ME1: variants seen among roughly 807,000 people sequenced by gnomAD.
ME1 encodes the protein malic enzyme 1, also known as NADP-dependent malic enzyme.
ME1 carries 74 observed loss-of-function variants against 66.4 expected under a neutral mutation model. The observed-to-expected ratio is 1.11, with a 90% CI of 0.92 to 1.35. The LOEUF is 1.35. Among genes scored for constraint, ME1 ranks in the 40% most tolerant of loss-of-function variants. The probability of loss-of-function intolerance (pLI) is 0.00; values close to 1 mark genes in which losing one functional copy is unlikely to be tolerated. For synonymous variants in ME1, 251 were observed against 235.6 expected (o/e 1.07, Z -0.60); for missense variants, 750 against 694.1 (o/e 1.08, Z -0.90).
chr6:83,348,218 G>A (rs981500960), intron 4 of ME1, among the ~76,000 whole-genome samples: 2 of 152,054 alleles, frequency 1.3e-5, no homozygotes, highest in Non-Finnish European at 2.9e-5. Context: ...CTGATTTAAG[G>A]TAAAAAAGAT....
chr6:83,368,226 G>A (rs1769135462), intron 3 of ME1, among the ~76,000 whole-genome samples: 2 of 151,598 alleles, frequency 1.3e-5, no homozygotes, highest in Non-Finnish European at 2.9e-5. Flanking sequence ...CACTATAAAA[G>A]TTATAATAAT....
chr6:83,325,752 G>A (rs1464135403), intron 5 of ME1, among the ~76,000 whole-genome samples: 1 of 152,030 alleles, frequency 6.6e-6, no homozygotes, highest in Non-Finnish European at 1.5e-5. Flanking sequence ...CATGCTCATG[G>A]ATAGGAAGAG....
chr6:83,352,116 T>TC lies in ME1; in HGVS notation c.385dup (p.Asp129GlyfsTer24). The TC allele has an allele frequency of 6.4e-7, 1 of 1,574,616 alleles. No individual in the cohort carries two copies. The highest frequency in any genetic ancestry group is 8.6e-7 in the Non-Finnish European group (1 of 1,157,852). On this transcript the variant is annotated frameshift_variant, in exon 4 of 14. Transcript: ENST00000369705. LOFTEE classifies it high-confidence loss of function. ...GAGAACTGAAGCAATATGCCCTCGA[T>TC]CGTGGATAGTAATAAAGAGACCTCT... is the stretch of plus-strand genomic sequence containing the variant.
intron 6 of ME1, among the ~76,000 whole-genome samples, 185 bp downstream of exon 6, chr6:83,315,125 A>G (rs1583375071): frequency 6.6e-6 from 1 of 152,220 alleles, no homozygotes; most frequent in Non-Finnish European, 1.5e-5. Context: ...GAAATAATCT[A>G]TTCTGGATAG....
At chr6:83,340,224 A>C (rs1315555216) in intron 5 of ME1, among the ~76,000 whole-genome samples, 1 of 152,104 alleles carries the variant, frequency 6.6e-6, no homozygotes, top group Non-Finnish European at 1.5e-5. Flanking sequence ...AAATAATGAT[A>C]ATTTTGTCTT....
intron 6 of ME1, among the ~76,000 whole-genome samples, chr6:83,309,325 C>A (rs75400347): frequency 5.9e-4 from 89 of 152,086 alleles, no homozygotes; most frequent in Middle Eastern, 3.4e-3. Flanking sequence ...TTACAATAAT[C>A]CAGGTAAAAG....
chr6:83,374,112 T>C (rs1004842414), intron 3 of ME1, among the ~76,000 whole-genome samples: 1 of 152,222 alleles, frequency 6.6e-6, no homozygotes, highest in Non-Finnish European at 1.5e-5. Context: ...TTTAGGTATA[T>C]ATCCAGAAAA....
intron 4 of ME1, among the ~76,000 whole-genome samples, chr6:83,349,628 A>G (rs1430755221): frequency 6.6e-5 from 10 of 152,174 alleles, no homozygotes; most frequent in Admixed American, 6.5e-4. Flanking sequence ...TAAATGCAGA[A>G]CCTTTGCATC....
At chr6:83,263,724 A>G (rs1766936719) in intron 6 of ME1, among the ~76,000 whole-genome samples, 1 of 151,926 alleles carries the variant, frequency 6.6e-6, no homozygotes. Flanking sequence ...CTGATCCGTG[A>G]AGTTTAAGGA....
chr6:83,314,641 C>A (rs918276600), intron 6 of ME1, among the ~76,000 whole-genome samples: 2 of 152,196 alleles, frequency 1.3e-5, no homozygotes, highest in Admixed American at 6.5e-5. Flanking sequence ...AAATAAATTT[C>A]TTGTGTAGAT....
In ME1 at chr6:83,417,141, C is replaced by T. The variant is rs1225732725; in HGVS notation, c.79-9240G>A. On this transcript the variant is annotated intron_variant, in intron 1 of 13. Coordinates refer to ENST00000369705, the MANE Select transcript of ME1 (RefSeq NM_002395.6). Reference sequence around the variant, plus strand: ...CATAGCTCACTGCAGCCTCGAATTCCTGGGCTCAAGCAATCCTCTTGCCTT... The same window carrying T: ...CATAGCTCACTGCAGCCTCGAATTCTTGGGCTCAAGCAATCCTCTTGCCTT... Among the ~76,000 whole-genome samples the T allele has an allele frequency of 2.6e-5, 4 of 152,076 alleles. No homozygotes were observed. In the East Asian group the frequency reaches 7.7e-4, roughly 29 times the overall value.
chr6:83,230,011 T>TG (rs145169874), intron 9 of ME1, among the ~76,000 whole-genome samples: 8,179 of 151,898 alleles, frequency 0.054, 702 homozygotes, highest in African/African-American at 0.18. Flanking sequence ...TTTTTAGAGA[T>TG]GGGGGTCTCG....
rs562954292 is a variant in ME1, at chr6:83,425,170, CT to C, written c.78+5706del. On this transcript the variant is annotated intron_variant, in intron 1 of 13. Coordinates refer to ENST00000369705, the MANE Select transcript of ME1 (RefSeq NM_002395.6). ...TGCCCAGCTTTTTGTATTTTTTTTT[CT>C]TTTTTGTAAAGATGGGATTTTGCTA... Among the ~76,000 whole-genome samples the C allele has an allele frequency of 6.8e-3, 1,034 of 151,052 alleles. 9 individuals are homozygous for C. Among genetic ancestry groups the C allele is most frequent in the Middle Eastern group, 0.014 (4 of 294 alleles).
At chr6:83,303,863 A>C (rs1347156885) in intron 6 of ME1, among the ~76,000 whole-genome samples, 1 of 152,160 alleles carries the variant, frequency 6.6e-6, no homozygotes, top group Non-Finnish European at 1.5e-5. Flanking sequence ...AGAAACAATA[A>C]GGAATAACAA....
intron 6 of ME1, among the ~76,000 whole-genome samples, chr6:83,267,734 T>C (rs1439217355): frequency 6.6e-6 from 1 of 152,210 alleles, no homozygotes; most frequent in South Asian, 2.1e-4. Flanking sequence ...CTGATACTAA[T>C]AGACTAATAT....
intron 6 of ME1, among the ~76,000 whole-genome samples, chr6:83,266,804 ATAC>A (rs1417950776): frequency 6.6e-6 from 1 of 152,204 alleles, no homozygotes; most frequent in Non-Finnish European, 1.5e-5. Context: ...TTAATCTGAC[ATAC>A]TACTAAAATT....
intron 8 of ME1, 100 bp downstream of exon 8, chr6:83,239,439 C>T: frequency 1.3e-6 from 1 of 775,284 alleles, no homozygotes; most frequent in Non-Finnish European, 2.1e-6. Flanking sequence ...TCATAATATA[C>T]TAAAAATTTG....
chr6:83,361,575 A>G (rs1053129200), intron 3 of ME1, among the ~76,000 whole-genome samples: 3 of 152,174 alleles, frequency 2.0e-5, no homozygotes, highest in Admixed American at 2.0e-4. Context: ...TGCTGTTTGG[A>G]GCCTTTGGCA....
Position 83,238,799 on chromosome 6 carries a change from A to ATATATATATATATATATATATAT in ME1, c.912+739_912+740insATATATATATATATATATATATA, listed in dbSNP as rs1554263094. Among the ~76,000 whole-genome samples, 554 of 139,168 alleles carry ATATATATATATATATATATATAT rather than the reference A, an allele frequency of 4.0e-3. 13 individuals carry two copies. Among genetic ancestry groups the ATATATATATATATATATATATAT allele is most frequent in the Middle Eastern group, 9.4e-3 (2 of 212 alleles). 91.3% of individuals were successfully genotyped at this position (139,168 alleles called of 152,430 possible). A position where few individuals can be genotyped will look rare whatever the true frequency, so the allele number is the denominator to read the frequency against. The stretch of plus-strand genomic sequence containing the variant: ...TTTGAAAATTTAAAGTTTCTTGAAA[A>ATATATATATATATATATATATAT]ATATATATATATATATATATAGCCA... On this transcript the variant is annotated intron_variant, in intron 8 of 13. Transcript: ENST00000369705.
Sources: gnomAD v4.1 joint callset for allele counts (sites outside exome capture counted in the v4.1 genomes callset) on GRCh38, gnomAD v4.1.1 for gene constraint, MANE v1.5 for transcripts, NCBI Gene and HGNC (gene_info 2026-07-23, HGNC 2026-07-21) for gene names.